Variants in ATP1B3 observed in about 807,000 individuals in gnomAD.
ATP1B3 encodes the protein sodium/potassium-transporting ATPase subunit beta-3.
A neutral mutation model predicts 30.2 loss-of-function variants in ATP1B3; 10 were observed. The observed-to-expected ratio is 0.33, with a 90% CI of 0.20 to 0.56. ATP1B3 has a LOEUF of 0.56. Among genes scored for constraint, ATP1B3 ranks in the 20% least tolerant of loss-of-function variants. The pLI is 0.90. For missense variants in ATP1B3, 238 were observed against 336.7 expected (o/e 0.71, Z 2.29); for synonymous variants, 113 against 117.0 (o/e 0.97, Z 0.22).
At chr3:141,892,820 A>G (rs1364827556) in intron 1 of ATP1B3, among the ~76,000 whole-genome samples, 2 of 152,268 alleles carry the variant, frequency 1.3e-5, no homozygotes, top group Admixed American at 6.5e-5. Context: ...AATGTTCTAT[A>G]TCTTTAATGG....
At chr3:141,921,521 G>T in intron 5 of ATP1B3, 1 of 152,486 alleles carries the variant, frequency 6.6e-6, no homozygotes, top group South Asian at 2.1e-4. Flanking sequence ...TGTCTCCCAG[G>T]CCTGAGTGCT....
intron 6 of ATP1B3, among the ~76,000 whole-genome samples, chr3:141,924,353 AAAAG>A (rs1284548817): frequency 2.8e-5 from 4 of 141,316 alleles, no homozygotes; most frequent in Non-Finnish European, 6.1e-5. Context: ...AAAAAAAAAA[AAAAG>A]GCCAGGTGCA....
intron 6 of ATP1B3, among the ~76,000 whole-genome samples, chr3:141,924,770 C>T (rs1055311664): frequency 6.6e-6 from 1 of 151,908 alleles, no homozygotes; most frequent in Non-Finnish European, 1.5e-5. Flanking sequence ...TCCTGGCCAA[C>T]ATGGTGAAAC....
At chr3:141,906,080 G>A (rs1002610677) in intron 2 of ATP1B3, among the ~76,000 whole-genome samples, 1 of 151,248 alleles carries the variant, frequency 6.6e-6, no homozygotes, top group African/African-American at 2.4e-5. Flanking sequence ...TGTATTATAT[G>A]TACATGTGTG....
rs572409552 is a variant in ATP1B3 at position 141,882,693 on chromosome 3, C to T, written c.109+5783C>T. 3.9e-5 allele frequency among the ~76,000 whole-genome samples: 6 copies of T among 152,316 alleles called. No individual in the cohort carries two copies. The East Asian group carries it at 7.7e-4, about 20-fold the overall frequency. ...CTGCCTCCCGGATTCAAGCGATTCTCCTGCCTCAGCCTCCCAAGTAGCTGG... is the reference window on the plus strand; with the variant it reads ...CTGCCTCCCGGATTCAAGCGATTCTTCTGCCTCAGCCTCCCAAGTAGCTGG... On this transcript the variant is annotated intron_variant, in intron 1 of 6. Transcript: ENST00000286371.
chr3:141,882,938 G>A (rs965576318), intron 1 of ATP1B3, among the ~76,000 whole-genome samples: 3 of 152,122 alleles, frequency 2.0e-5, no homozygotes, highest in African/African-American at 7.2e-5. Context: ...ATCTCCAGTT[G>A]GATGTTTCAT....
intron 4 of ATP1B3, 84 bp from the exon 5 acceptor site, chr3:141,915,886 A>G: frequency 6.8e-6 from 7 of 1,029,078 alleles, no homozygotes; most frequent in Non-Finnish European, 1.0e-5. Context: ...CAAAGTCTTC[A>G]CCCCTTGTTC....
In ATP1B3 at chr3:141,907,347, C is replaced by A. The variant is rs566115381; in HGVS notation, c.346+73C>A. 95 of 1,192,436 alleles carry A rather than the reference C, an allele frequency of 8.0e-5. 1 individual carries two copies. The Middle Eastern group carries it at 1.1e-3, about 14-fold the overall frequency. The allele number at this position is 1,192,436 out of a possible 1,614,324, so 73.9% of individuals were successfully genotyped here. A position where few individuals can be genotyped will look rare whatever the true frequency, so the allele number is the denominator to read the frequency against. ...TTAGTACCAAATTGTGGGCCGGGCA[C>A]GGTAGCTCACGCCTGTAATCCCAGC... On this transcript the variant is annotated intron_variant, in intron 3 of 6. Coordinates refer to ENST00000286371, the MANE Select transcript of ATP1B3 (RefSeq NM_001679.4).
intron 1 of ATP1B3, among the ~76,000 whole-genome samples, chr3:141,885,439 CT>C (rs1234296327): frequency 6.6e-6 from 1 of 151,844 alleles, no homozygotes; most frequent in Non-Finnish European, 1.5e-5. Context: ...TTTTTCTTTT[CT>C]TTTCTTTTTT....
chr3:141,878,236 A>C (rs1365160353), intron 1 of ATP1B3, among the ~76,000 whole-genome samples: 1 of 152,196 alleles, frequency 6.6e-6, no homozygotes, highest in East Asian at 1.9e-4. Flanking sequence ...ATCCTAGTCC[A>C]GCGGTTGTAT....
At chr3:141,880,196 T>G (rs1193875511) in intron 1 of ATP1B3, among the ~76,000 whole-genome samples, 1 of 152,218 alleles carries the variant, frequency 6.6e-6, no homozygotes, top group Non-Finnish European at 1.5e-5. Context: ...AGTGAAAATG[T>G]TGCAAGTTAC....
At chr3:141,885,397 T>G (rs142680363) in intron 1 of ATP1B3, among the ~76,000 whole-genome samples, 51 of 152,310 alleles carry the variant, frequency 3.3e-4, no homozygotes, top group Middle Eastern at 3.4e-3. Context: ...AACCTTGTCC[T>G]CATTTTATCA....
chr3:141,905,843 T>G (rs958641231), intron 2 of ATP1B3, among the ~76,000 whole-genome samples: 2 of 152,164 alleles, frequency 1.3e-5, no homozygotes, highest in Admixed American at 6.6e-5. Flanking sequence ...GTGTTAAATA[T>G]TTTTAAGTAC....
chr3:141,882,278 T>G (rs978249204), intron 1 of ATP1B3, among the ~76,000 whole-genome samples: 1 of 152,226 alleles, frequency 6.6e-6, no homozygotes, highest in Non-Finnish European at 1.5e-5. Flanking sequence ...TTCTGTTGGT[T>G]TTGAAGAAAA....
chr3:141,911,598 G>A (rs767949682), intron 3 of ATP1B3, among the ~76,000 whole-genome samples: 13 of 151,076 alleles, frequency 8.6e-5, no homozygotes, highest in African/African-American at 1.2e-4. Context: ...GGGTTCAAGC[G>A]ACCCTCATGC....
chr3:141,913,472 G>C (rs191910477), intron 3 of ATP1B3, among the ~76,000 whole-genome samples, 180 bp from the exon 4 acceptor site: 1 of 152,286 alleles, frequency 6.6e-6, no homozygotes, highest in East Asian at 1.9e-4. Flanking sequence ...AGTAACTTTA[G>C]AGAACTAGTT....
chr3:141,904,182 A>G (rs1394846434), intron 2 of ATP1B3, among the ~76,000 whole-genome samples: 1 of 152,244 alleles, frequency 6.6e-6, no homozygotes, highest in Non-Finnish European at 1.5e-5. Context: ...GGAGCTGAGT[A>G]ATGTGAAGGT....
intron 1 of ATP1B3, among the ~76,000 whole-genome samples, chr3:141,892,713 T>C (rs1319494888): frequency 6.7e-6 from 1 of 150,062 alleles, no homozygotes; most frequent in African/African-American, 2.4e-5. Context: ...AACTTTAGCC[T>C]TATGTAAAAT....
chr3:141,904,977 C>CT (rs1934238108), intron 2 of ATP1B3, among the ~76,000 whole-genome samples: 2 of 152,150 alleles, frequency 1.3e-5, no homozygotes, highest in South Asian at 4.1e-4. Context: ...TCCCAAAGTG[C>CT]TGGGATTACA....
Sources: allele counts gnomAD v4.1 joint callset (sites outside exome capture counted in the v4.1 genomes callset), GRCh38; gene constraint gnomAD v4.1.1; transcripts MANE v1.5; gene names NCBI Gene and HGNC (gene_info 2026-07-23, HGNC 2026-07-21).